Variants in ACSS3 observed in about 807,000 individuals in gnomAD.
ACSS3 encodes acyl-CoA synthetase short chain family member 3, also known as acyl-CoA synthetase short-chain family member 3, mitochondrial.
ACSS3 carries 64 observed loss-of-function variants against 84.2 expected under a neutral mutation model. The observed-to-expected ratio is 0.76, with a 90% CI of 0.62 to 0.94. The LOEUF is 0.94. Ranked by LOEUF, ACSS3 falls within the 40% of genes least tolerant of loss-of-function variation. The probability of loss-of-function intolerance (pLI) is 0.00; values close to 1 mark genes in which losing one functional copy is unlikely to be tolerated. For synonymous variants in ACSS3, 317 were observed against 310.1 expected (o/e 1.02, Z -0.23); for missense variants, 815 against 867.6 (o/e 0.94, Z 0.76).
chr12:81,128,221 C>T (rs571813745), intron 2 of ACSS3, among the ~76,000 whole-genome samples: 1 of 151,586 alleles, frequency 6.6e-6, no homozygotes, highest in African/African-American at 2.4e-5. Flanking sequence ...GTGTAAGGAC[C>T]AACCATTTCC....
At chr12:81,243,173 A>C (rs1195047097) in intron 13 of ACSS3, among the ~76,000 whole-genome samples, 1 of 152,202 alleles carries the variant, frequency 6.6e-6, no homozygotes, top group East Asian at 1.9e-4. Flanking sequence ...TCAGGATACA[A>C]AATCAATGTA....
chr12:81,111,781 C>G (rs1386446497), intron 2 of ACSS3, among the ~76,000 whole-genome samples: 5 of 152,132 alleles, frequency 3.3e-5, no homozygotes, highest in African/African-American at 1.2e-4. Flanking sequence ...CCTAAACAAC[C>G]AGGCAGTGGG....
At chr12:81,197,468 C>G (rs1383824705) in intron 8 of ACSS3, among the ~76,000 whole-genome samples, 2 of 152,142 alleles carry the variant, frequency 1.3e-5, no homozygotes, top group Non-Finnish European at 2.9e-5. Context: ...TTCATGCTAT[C>G]TCTTTGTAAT....
At chr12:81,124,977 G>A (rs921216991) in intron 2 of ACSS3, among the ~76,000 whole-genome samples, 1 of 152,222 alleles carries the variant, frequency 6.6e-6, no homozygotes, top group Non-Finnish European at 1.5e-5. Flanking sequence ...CACTTTGGGA[G>A]GCCGAGGCGG....
chr12:81,208,640 A>G (rs932246836), intron 9 of ACSS3, among the ~76,000 whole-genome samples: 2 of 152,130 alleles, frequency 1.3e-5, no homozygotes, highest in African/African-American at 2.4e-5. Context: ...AGATTTTTCT[A>G]TAATGCAATT....
At chr12:81,142,350 C>T (rs921420747) in intron 4 of ACSS3, among the ~76,000 whole-genome samples, 1 of 152,200 alleles carries the variant, frequency 6.6e-6, no homozygotes, top group African/African-American at 2.4e-5. Context: ...AATTCCCCAT[C>T]AGAGTAACTT....
In ACSS3 at chr12:81,259,570, T is replaced by A. The variant is rs541901896; in HGVS notation, c.*4648T>A. The A allele has an allele frequency of 6.9e-7, 1 of 1,446,040 alleles. No homozygotes were observed. Among genetic ancestry groups the A allele is most frequent in the South Asian group, 1.2e-5 (1 of 81,558 alleles). The allele number at this position is 1,446,040 out of a possible 1,614,324, so 89.6% of individuals were successfully genotyped here. A position where few individuals can be genotyped will look rare whatever the true frequency, so the allele number is the denominator to read the frequency against. On this transcript the variant is annotated 3_prime_UTR_variant, in exon 16 of 16. Coordinates refer to ENST00000548058, the MANE Select transcript of ACSS3 (RefSeq NM_024560.4). ...TTTTAATAAGTCATGACGTCATTAT[T>A]TCCTTAGAATTCAGTTTTCACAAAG...
chr12:81,116,108 C>T (rs1158189062), intron 2 of ACSS3, among the ~76,000 whole-genome samples: 2 of 151,804 alleles, frequency 1.3e-5, no homozygotes, highest in Non-Finnish European at 2.9e-5. Context: ...TGCTTGTGTA[C>T]ATATAATGTA....
At chr12:81,093,417 C>T (rs1881802867) in intron 1 of ACSS3, among the ~76,000 whole-genome samples, 1 of 151,294 alleles carries the variant, frequency 6.6e-6, no homozygotes, top group South Asian at 2.1e-4. Context: ...TGCACCAATG[C>T]ACACTCCAGC....
At chr12:81,202,279 AAAAT>A (rs200748784) in intron 9 of ACSS3, among the ~76,000 whole-genome samples, 116 of 151,554 alleles carry the variant, frequency 7.7e-4, no homozygotes, top group African/African-American at 2.3e-3. Flanking sequence ...ACTCTGTCTC[AAAAT>A]AAATAAATAA....
intron 7 of ACSS3, among the ~76,000 whole-genome samples, chr12:81,164,584 T>G (rs1465122166): frequency 6.6e-6 from 1 of 152,198 alleles, no homozygotes; most frequent in African/African-American, 2.4e-5. Flanking sequence ...TTTAATACTC[T>G]TGCTAAATTA....
chr12:81,120,777 T>C (rs1386707565), intron 2 of ACSS3, among the ~76,000 whole-genome samples: 2 of 152,208 alleles, frequency 1.3e-5, no homozygotes, highest in Non-Finnish European at 2.9e-5. Context: ...ATTAGAATTA[T>C]TATCAAGATT....
chr12:81,078,152 T>C lies in ACSS3; in HGVS notation c.32T>C (p.Val11Ala). Residue 11 changes from valine to alanine, a missense_variant, in exon 1 of 16, where the codon GTC becomes GCC. Coordinates refer to ENST00000548058, the MANE Select transcript of ACSS3 (RefSeq NM_024560.4). Reference protein sequence around the residue: MKPSWLQCRKVTSAGGLGGPL... With the variant: MKPSWLQCRKATSAGGLGGPL... ...CCGTCTTGGCTGCAGTGTCGTAAAG[T>C]CACCAGCGCCGGGGGGCTCGGAGGG... The C allele has an allele frequency of 6.6e-7, 1 of 1,509,494 alleles. No individual in the cohort carries two copies. The highest frequency in any genetic ancestry group is 8.8e-7 in the Non-Finnish European group (1 of 1,133,384). The allele number at this position is 1,509,494 out of a possible 1,614,324, so 93.5% of individuals were successfully genotyped here. A position where few individuals can be genotyped will look rare whatever the true frequency, so the allele number is the denominator to read the frequency against.
intron 3 of ACSS3, among the ~76,000 whole-genome samples, chr12:81,135,518 G>A (rs1438908347): frequency 6.7e-6 from 1 of 149,612 alleles, no homozygotes; most frequent in African/African-American, 2.5e-5. Flanking sequence ...AAAGAATAAA[G>A]TAATACCTTT....
Position 81,217,294 on chromosome 12 carries a change from T to C in ACSS3, c.1450+298T>C, listed in dbSNP as rs567971783. On this transcript the variant is annotated intron_variant, in intron 10 of 15. Transcript: ENST00000548058. ...TGCTGGGAGCCCAGTACTTTATATA[T>C]GTCTTTTCATTTCATGCTGAAGTAT... Among the ~76,000 whole-genome samples the C allele has an allele frequency of 1.2e-4, 19 of 152,280 alleles. No homozygotes were observed. The South Asian group carries it at 3.9e-3, about 32-fold the overall frequency.
intron 2 of ACSS3, among the ~76,000 whole-genome samples, chr12:81,110,759 G>C (rs1883509008): frequency 1.3e-5 from 2 of 152,152 alleles, no homozygotes; most frequent in Admixed American, 1.3e-4. Context: ...CTGCTGAGTG[G>C]TAAGATTGCC....
intron 9 of ACSS3, among the ~76,000 whole-genome samples, chr12:81,213,818 CT>C (rs1565723780): frequency 1.0e-4 from 7 of 70,082 alleles, no homozygotes; most frequent in Admixed American, 4.4e-4. Context: ...CTTCTCTTCT[CT>C]TCTCTTCTCT....
chr12:81,130,434 G>T (rs1411941348), intron 2 of ACSS3, among the ~76,000 whole-genome samples: 1 of 152,198 alleles, frequency 6.6e-6, no homozygotes, highest in Non-Finnish European at 1.5e-5. Flanking sequence ...CTTTTGAGAA[G>T]TGTCTGTTCA....
At chr12:81,171,575 C>T (rs1174795488) in intron 7 of ACSS3, among the ~76,000 whole-genome samples, 2 of 151,962 alleles carry the variant, frequency 1.3e-5, no homozygotes, top group East Asian at 1.9e-4. Flanking sequence ...TTTTATGAAT[C>T]GCTTCTTTAC....
Sources: gnomAD v4.1 joint callset for allele counts (sites outside exome capture counted in the v4.1 genomes callset) on GRCh38, gnomAD v4.1.1 for gene constraint, MANE v1.5 for transcripts, NCBI Gene and HGNC (gene_info 2026-07-23, HGNC 2026-07-21) for gene names.